Variants in GC observed in about 807,000 individuals in gnomAD.
GC encodes vitamin D-binding protein.
A neutral mutation model predicts 56.7 loss-of-function variants in GC; 43 were observed. The ratio of observed to expected loss-of-function variants is 0.76; its 90% CI spans 0.59 to 0.98. The LOEUF (loss-of-function observed/expected upper bound fraction) is 0.98. GC is among the 50% of genes least tolerant of loss of function. The pLI is 0.00. For synonymous variants in GC, 216 were observed against 202.7 expected, an observed-to-expected ratio of 1.07 and a Z score of -0.56; for missense variants, 529 against 545.9, an observed-to-expected ratio of 0.97 and a Z score of 0.31.
intron 3 of GC, among the ~76,000 whole-genome samples, chr4:71,766,823 T>C (rs2149301231): frequency 6.6e-6 from 1 of 152,254 alleles, no homozygotes; most frequent in South Asian, 2.1e-4. Context: ...AAAGTTATCT[T>C]CTTTCAAGTA....
intron 11 of GC, among the ~76,000 whole-genome samples, chr4:71,746,970 C>G (rs12640179): frequency 0.072 from 10,955 of 151,764 alleles, 424 homozygotes; most frequent in East Asian, 0.17. Flanking sequence ...GAAAGATTGC[C>G]TGAAACTAAA....
intron 1 of GC, among the ~76,000 whole-genome samples, chr4:71,799,313 C>A (rs573169833): frequency 4.8e-4 from 73 of 152,268 alleles, no homozygotes; most frequent in African/African-American, 1.7e-3. Context: ...GAGAACAGGA[C>A]TCTGTTTACC....
intron 3 of GC, among the ~76,000 whole-genome samples, chr4:71,766,692 A>T (rs942623611): frequency 2.6e-5 from 4 of 152,158 alleles, no homozygotes; most frequent in African/African-American, 9.7e-5. Context: ...CATCTTCCGT[A>T]CCATCCTTTC....
At chr4:71,757,966 A>G in intron 7 of GC, 76 bp downstream of exon 7, 1 of 1,231,974 alleles carries the variant, frequency 8.1e-7, no homozygotes, top group Non-Finnish European at 1.2e-6. Context: ...AATAGAACTT[A>G]GAAGAGTACC....
intron 10 of GC, 38 bp downstream of exon 10, chr4:71,754,373 G>T: frequency 2.2e-6 from 2 of 916,470 alleles, no homozygotes; most frequent in Admixed American, 2.2e-5. Context: ...AAATATTATT[G>T]ATAAATTTGG....
intron 6 of GC, chr4:71,759,742 TG>T (rs1186182725): frequency 1.3e-5 from 2 of 152,354 alleles, no homozygotes; most frequent in East Asian, 1.9e-4. Flanking sequence ...TTAAGCTACT[TG>T]TTTTTTTGTT....
intron 1 of GC, among the ~76,000 whole-genome samples, chr4:71,793,052 T>G (rs758630164): frequency 1.4e-4 from 22 of 152,208 alleles, no homozygotes; most frequent in Non-Finnish European, 2.5e-4. Context: ...CATGCTGTTT[T>G]GGTTACTGTA....
At chr4:71,796,942 C>G (rs1002769325) in intron 1 of GC, among the ~76,000 whole-genome samples, 1 of 152,162 alleles carries the variant, frequency 6.6e-6, no homozygotes, top group East Asian at 1.9e-4. Context: ...GCAGGTCTGT[C>G]GGAGTTTGCT....
chr4:71,783,353 C>T (rs1742746347), intron 1 of GC, among the ~76,000 whole-genome samples: 1 of 151,574 alleles, frequency 6.6e-6, no homozygotes, highest in Non-Finnish European at 1.5e-5. Flanking sequence ...AAACATTGCC[C>T]AAAGATGAAC....
intron 12 of GC, 32 bp from the exon 13 acceptor site, chr4:71,741,902 G>T (rs1741197155): frequency 1.4e-6 from 1 of 702,616 alleles, no homozygotes; most frequent in Admixed American, 2.0e-5. Context: ...TTTTATGTTA[G>T]AAAAACAGAG....
intron 11 of GC, among the ~76,000 whole-genome samples, chr4:71,746,835 G>A (rs1295926656): frequency 6.7e-6 from 1 of 148,318 alleles, no homozygotes; most frequent in African/African-American, 2.5e-5. Flanking sequence ...TTAGAGAAGA[G>A]TATTAACCAT....
intron 1 of GC, 187 bp from the exon 2 acceptor site, chr4:71,769,587 C>T (rs1160505907): frequency 3.7e-6 from 2 of 538,584 alleles, no homozygotes; most frequent in Non-Finnish European, 3.3e-6. Context: ...AATTTTATGA[C>T]ATTCTGTTAT....
chr4:71,765,478 C>A lies in GC; in HGVS notation c.427G>T (p.Glu143Ter), dbSNP rs201577904. ...TCTTTCCTGAACGCCTCACAGATTTCATCATTTGTGGGTTCCACGTAGGTA... is the reference window on the plus strand; with the variant it reads ...TCTTTCCTGAACGCCTCACAGATTTAATCATTTGTGGGTTCCACGTAGGTA... ...FPTYVEPTND[E>*]ICEAFRKDPK... The change falls in exon 4 of 13, where the codon GAA (glutamate) becomes TAA (stop). Residue 143 changes from glutamate to a stop codon, truncating the protein, a stop_gained. Coordinates refer to ENST00000273951, the MANE Select transcript of GC (RefSeq NM_000583.4). LOFTEE classifies it high-confidence loss of function. 32 of 1,614,002 alleles carry A rather than the reference C, an allele frequency of 2.0e-5. No individual in the cohort carries two copies. The highest frequency in any genetic ancestry group is 2.5e-5 in the Non-Finnish European group (30 of 1,179,952).
intron 1 of GC, among the ~76,000 whole-genome samples, chr4:71,801,155 T>G (rs955328490): frequency 2.0e-5 from 3 of 152,132 alleles, no homozygotes; most frequent in Non-Finnish European, 2.9e-5. Context: ...ATCCAAATTT[T>G]TAAATGGGCA....
At chr4:71,744,252 C>G (rs963090548) in intron 12 of GC, among the ~76,000 whole-genome samples, 1 of 145,992 alleles carries the variant, frequency 6.8e-6, no homozygotes, top group Non-Finnish European at 1.5e-5. Context: ...GCCATCCTGG[C>G]TAACACAGTG....
intron 1 of GC, among the ~76,000 whole-genome samples, chr4:71,800,499 G>A (rs1012413238): frequency 6.6e-6 from 1 of 152,070 alleles, no homozygotes; most frequent in Non-Finnish European, 1.5e-5. Flanking sequence ...TATTTGGGTT[G>A]GTTCCATGTC....
chr4:71,753,211 C>A (rs1024685196), intron 10 of GC, among the ~76,000 whole-genome samples: 2 of 152,116 alleles, frequency 1.3e-5, no homozygotes, highest in East Asian at 1.9e-4. Context: ...CTGATTCTTT[C>A]AATTTGTACA....
intron 6 of GC, among the ~76,000 whole-genome samples, chr4:71,762,769 C>T (rs1240425524): frequency 6.6e-6 from 1 of 152,168 alleles, no homozygotes; most frequent in Non-Finnish European, 1.5e-5. Flanking sequence ...TTGCCTGCTG[C>T]CATCCACGTA....
chr4:71,769,188 G>T, intron 2 of GC, 143 bp downstream of exon 2: 1 of 609,126 alleles, frequency 1.6e-6, no homozygotes, highest in Non-Finnish European at 2.9e-6. Flanking sequence ...CTTGACTCCT[G>T]TGCCTACCTT....
Sources: gnomAD v4.1 joint callset for allele counts (sites outside exome capture counted in the v4.1 genomes callset) on GRCh38, gnomAD v4.1.1 for gene constraint, MANE v1.5 for transcripts, NCBI Gene and HGNC (gene_info 2026-07-23, HGNC 2026-07-21) for gene names.